Variants in PRKN observed in about 807,000 individuals in gnomAD.
PRKN encodes the protein parkin RBR E3 ubiquitin protein ligase, also known as E3 ubiquitin-protein ligase parkin.
PRKN carries 56 observed loss-of-function variants against 59.5 expected under a neutral mutation model. The ratio of observed to expected loss-of-function variants is 0.94; its 90% CI spans 0.76 to 1.18. The LOEUF is 1.18. Among genes scored for constraint, PRKN ranks in the 50% most tolerant of loss-of-function variants. The pLI, the probability that PRKN is intolerant of heterozygous loss-of-function variation, is 0.00. For missense variants in PRKN, 657 were observed against 596.4 expected, an observed-to-expected ratio of 1.10 and a Z score of -1.06; for synonymous variants, 250 against 222.1, an observed-to-expected ratio of 1.13 and a Z score of -1.12.
In PRKN at chr6:161,484,584, C is replaced by T. The variant is rs781450358; in HGVS notation, c.1083+64270G>A. On this transcript the variant is annotated intron_variant, in intron 9 of 11. Coordinates refer to ENST00000366898, the MANE Select transcript of PRKN (RefSeq NM_004562.3). The surrounding 1 kb of genome is among the most constrained non-coding windows in gnomAD (Gnocchi z 4.9). ...GCTTAGGAAGGTTTCCCAAAGCAAG[C>T]TGTGGGTACGGACGGCATCAGAACT... 7.2e-5 allele frequency among the ~76,000 whole-genome samples: 11 copies of T among 152,134 alleles called. No individual in the cohort carries two copies. Among genetic ancestry groups the T allele is most frequent in the Non-Finnish European group, 1.3e-4 (9 of 68,024 alleles).
intron 3 of PRKN, among the ~76,000 whole-genome samples, chr6:162,219,009 A>C (rs1044672135): frequency 6.6e-6 from 1 of 151,994 alleles, no homozygotes; most frequent in Admixed American, 6.6e-5. Context: ...CCCTGTCTCT[A>C]CCTACATAAA....
chr6:161,599,093 G>A (rs1333254709), intron 7 of PRKN, among the ~76,000 whole-genome samples: 2 of 152,188 alleles, frequency 1.3e-5, no homozygotes, highest in East Asian at 1.9e-4. Context: ...CAGACAAGGG[G>A]TGGGAGCAGA....
At position 161,359,882 on chromosome 6, in the gene PRKN, C is replaced by T. The variant is rs200290839; in HGVS notation, c.1285+206G>A. 3.3e-5 allele frequency among the ~76,000 whole-genome samples: 5 copies of T among 152,318 alleles called. No individual in the cohort carries two copies. The East Asian group carries it at 9.6e-4, about 29-fold the overall frequency. On this transcript the variant is annotated intron_variant, in intron 11 of 11. Transcript: ENST00000366898. This position sits in a 1 kb window ranked among gnomAD's most constrained non-coding sequence, Gnocchi z 5.4. ...ACATAAATGCTAACTGTGTGCCTCA[C>T]ATAGCCATGGAACTACTCACTCATT... is the stretch of plus-strand genomic sequence containing the variant.
chr6:162,550,844 G>A (rs943788327), intron 1 of PRKN, among the ~76,000 whole-genome samples: 20 of 152,148 alleles, frequency 1.3e-4, no homozygotes, highest in African/African-American at 4.8e-4. Context: ...GCCATGTCAC[G>A]CAGCCCACTG....
intron 4 of PRKN, among the ~76,000 whole-genome samples, chr6:162,161,856 A>G (rs1782772568): frequency 6.6e-6 from 1 of 152,134 alleles, no homozygotes; most frequent in Non-Finnish European, 1.5e-5. Flanking sequence ...TTATTATCCA[A>G]CATATTGTTA....
In PRKN at chr6:162,096,744, A is replaced by G. The variant is rs186935174; in HGVS notation, c.535-42570T>C. Among the ~76,000 whole-genome samples, 5 of 149,142 alleles carry G rather than the reference A, an allele frequency of 3.4e-5. No homozygotes were observed. In the East Asian group the frequency reaches 9.9e-4, roughly 30 times the overall value. On this transcript the variant is annotated intron_variant, in intron 4 of 11. Coordinates refer to ENST00000366898, the MANE Select transcript of PRKN (RefSeq NM_004562.3). Reference sequence around the variant, plus strand: ...TTCTGCCATGATTGGGAGGCCTCCCAGCCATGCAGAACTATGAGTCCATTT... The same window carrying G: ...TTCTGCCATGATTGGGAGGCCTCCCGGCCATGCAGAACTATGAGTCCATTT...
rs149800471 is a variant in PRKN, at chr6:161,578,290, C to A, written c.872-8874G>T. On this transcript the variant is annotated intron_variant, in intron 7 of 11. Transcript: ENST00000366898. The surrounding 1 kb of genome is among the most constrained non-coding windows in gnomAD (Gnocchi z 4.2). The stretch of plus-strand genomic sequence containing the variant: ...GGGCTGAGAACTGAGACCACTGAGA[C>A]CTAATTATTTGTTCCAGAAGAATTC... Among the ~76,000 whole-genome samples, 28 of 152,250 alleles carry A rather than the reference C, an allele frequency of 1.8e-4. No individual in the cohort carries two copies. In the East Asian group the frequency reaches 4.4e-3, roughly 24 times the overall value.
intron 7 of PRKN, among the ~76,000 whole-genome samples, chr6:161,647,275 T>C (rs925734083): frequency 8.5e-5 from 13 of 152,136 alleles, no homozygotes; most frequent in Admixed American, 7.2e-4. Context: ...ATGCAGAACA[T>C]ACAAAATAAG....
At chr6:162,247,838 A>G (rs763157702) in intron 3 of PRKN, among the ~76,000 whole-genome samples, 4 of 152,178 alleles carry the variant, frequency 2.6e-5, no homozygotes, top group Non-Finnish European at 5.9e-5. Flanking sequence ...TATTACATTT[A>G]CCAACAATTA....
In PRKN at chr6:161,349,282, A is replaced by G. The variant is rs1166483020; in HGVS notation, c.*817T>C. On this transcript the variant is annotated 3_prime_UTR_variant, in exon 12 of 12. Transcript: ENST00000366898. The surrounding 1 kb of genome is among the most constrained non-coding windows in gnomAD (Gnocchi z 5.5). ...GTTGCAAAATGAATACTCAGAATCA[A>G]ACTATAGATTTTTTGGTGATACTTT... is the stretch of plus-strand genomic sequence containing the variant. 2 of 226,554 alleles carry G rather than the reference A, an allele frequency of 8.8e-6. No homozygotes were observed. Among genetic ancestry groups the G allele is most frequent in the Non-Finnish European group, 1.8e-5 (2 of 113,984 alleles). 14.0% of individuals were successfully genotyped at this position (226,554 alleles called of 1,614,324 possible).
At chr6:162,255,042 A>G (rs1779587471) in intron 3 of PRKN, among the ~76,000 whole-genome samples, 1 of 151,818 alleles carries the variant, frequency 6.6e-6, no homozygotes, top group Non-Finnish European at 1.5e-5. Context: ...GGAGGTGATC[A>G]AACTTTAAAA....
At chr6:162,178,138 A>G (rs1015088572) in intron 4 of PRKN, among the ~76,000 whole-genome samples, 1 of 152,182 alleles carries the variant, frequency 6.6e-6, no homozygotes, top group East Asian at 1.9e-4. Context: ...ACTAGGTAGG[A>G]CTTTTAGAAA....
intron 2 of PRKN, among the ~76,000 whole-genome samples, chr6:162,370,588 C>T (rs375927308): frequency 6.6e-6 from 1 of 152,140 alleles, no homozygotes; most frequent in Non-Finnish European, 1.5e-5. Flanking sequence ...GGTGAATCTA[C>T]TTAGATTTCT....
At chr6:162,710,462 C>T (rs549119521) in intron 1 of PRKN, among the ~76,000 whole-genome samples, 1 of 149,888 alleles carries the variant, frequency 6.7e-6, no homozygotes, top group South Asian at 2.1e-4. Context: ...GTTATGAGTC[C>T]AAGTTCCCAT....
intron 2 of PRKN, among the ~76,000 whole-genome samples, chr6:162,382,467 TAGTCTATTAAGCGTATA>T (rs1364680014): frequency 6.6e-6 from 1 of 152,210 alleles, no homozygotes; most frequent in Non-Finnish European, 1.5e-5. Context: ...TACAATGCTG[TAGTCTATTAAGCGTATA>T]ATAGCATTAT....
chr6:161,660,610 A>G (rs1784508259), intron 7 of PRKN, among the ~76,000 whole-genome samples: 1 of 152,132 alleles, frequency 6.6e-6, no homozygotes, highest in African/African-American at 2.4e-5. Context: ...AGACGTGAAC[A>G]GCGGCAGTGG....
At position 161,360,442 on chromosome 6, in the gene PRKN, G is replaced by A. The variant is rs797022430; in HGVS notation, c.1168-237C>T. On this transcript the variant is annotated intron_variant, in intron 10 of 11. Coordinates refer to ENST00000366898, the MANE Select transcript of PRKN (RefSeq NM_004562.3). This position sits in a 1 kb window ranked among gnomAD's most constrained non-coding sequence, Gnocchi z 5.1. The stretch of plus-strand genomic sequence containing the variant: ...AAGAGATTGTTTGGTTTTGTAGTGT[G>A]AGCTCCTCTATTCTGTTGTTTTGCA... 2.6e-5 allele frequency among the ~76,000 whole-genome samples: 4 copies of A among 152,314 alleles called. No homozygotes were observed. The highest frequency in any genetic ancestry group is 9.6e-5 in the African/African-American group (4 of 41,570).
At chr6:162,520,378 T>C (rs538127894) in intron 1 of PRKN, among the ~76,000 whole-genome samples, 5 of 152,328 alleles carry the variant, frequency 3.3e-5, no homozygotes, top group East Asian at 1.9e-4. Context: ...TAATTTAGCA[T>C]TGAGATGAAT....
chr6:161,507,467 C>T (rs1391366244), intron 9 of PRKN, among the ~76,000 whole-genome samples: 1 of 152,128 alleles, frequency 6.6e-6, no homozygotes, highest in Non-Finnish European at 1.5e-5. Context: ...ATTTAACCCT[C>T]GAAGGTGGCT....
Sources: gnomAD v4.1 joint callset for allele counts (sites outside exome capture counted in the v4.1 genomes callset) on GRCh38, gnomAD v4.1.1 for gene constraint, Gnocchi (gnomAD v3.1) non-coding constraint, MANE v1.5 for transcripts, NCBI Gene and HGNC (gene_info 2026-07-23, HGNC 2026-07-21) for gene names.